The following SAMD3 variants were observed in gnomAD, a reference collection of about 807,000 sequenced individuals.
SAMD3 encodes the protein sterile alpha motif domain containing 3, also known as sterile alpha motif domain-containing protein 3.
In SAMD3, 63 loss-of-function variants were observed where a neutral mutation model predicts 58.5. The observed-to-expected ratio is 1.08, with a 90% CI of 0.88 to 1.33. SAMD3 has a LOEUF of 1.33. Ranked by LOEUF, SAMD3 falls within the 40% of genes most tolerant of loss-of-function variation. SAMD3 has a pLI of 0.00. For missense variants in SAMD3, 604 were observed against 608.4 expected, an observed-to-expected ratio of 0.99 and a Z score of 0.08; for synonymous variants, 220 against 210.3, an observed-to-expected ratio of 1.05 and a Z score of -0.40.
chr6:130,232,358 A>T (rs1446474263), intron 2 of SAMD3, among the ~76,000 whole-genome samples: 1 of 152,174 alleles, frequency 6.6e-6, no homozygotes, highest in Non-Finnish European at 1.5e-5. Context: ...GATCGAGTTC[A>T]GTTACCGTCA....
intron 2 of SAMD3, chr6:130,215,799 C>G (rs1200441873): frequency 1.3e-6 from 2 of 1,534,342 alleles, no homozygotes; most frequent in African/African-American, 1.4e-5. Context: ...TGGTTAACCC[C>G]TTGCTTCTCC....
At chr6:130,279,705 A>G (rs532663936) in intron 2 of SAMD3, among the ~76,000 whole-genome samples, 15 of 152,030 alleles carry the variant, frequency 9.9e-5, no homozygotes, top group Non-Finnish European at 1.9e-4. Context: ...GGCTGGTCTC[A>G]AACTCCTGAC....
At chr6:130,261,641 A>AGCTT (rs1562486358) in intron 2 of SAMD3, among the ~76,000 whole-genome samples, 13 of 152,162 alleles carry the variant, frequency 8.5e-5, no homozygotes, top group Non-Finnish European at 1.5e-4. Flanking sequence ...GGTCAGGCAC[A>AGCTT]AATAAGCTCA....
chr6:130,181,667 C>T (rs1223971208), intron 7 of SAMD3, among the ~76,000 whole-genome samples: 1 of 152,054 alleles, frequency 6.6e-6, no homozygotes, highest in Non-Finnish European at 1.5e-5. Context: ...TATGGATTTG[C>T]TTAGGTATAT....
chr6:130,291,014 A>G (rs189611895), intron 2 of SAMD3, among the ~76,000 whole-genome samples: 2 of 152,302 alleles, frequency 1.3e-5, no homozygotes, highest in East Asian at 3.9e-4. Context: ...TCCCATTCAC[A>G]TACTCTGTCA....
At chr6:130,345,350 G>A (rs147576840) in intron 1 of SAMD3, among the ~76,000 whole-genome samples, 15 of 152,278 alleles carry the variant, frequency 9.9e-5, no homozygotes, top group African/African-American at 3.6e-4. Context: ...ACAAGCAGCC[G>A]CCATCCACTG....
chr6:130,239,010 C>T (rs973090672), intron 2 of SAMD3, among the ~76,000 whole-genome samples: 2 of 152,174 alleles, frequency 1.3e-5, no homozygotes, highest in African/African-American at 4.8e-5. Flanking sequence ...CCGCCTGCTT[C>T]GGCCTCCCAA....
intron 8 of SAMD3, among the ~76,000 whole-genome samples, chr6:130,168,067 C>T (rs1465119647): frequency 1.3e-5 from 2 of 152,028 alleles, no homozygotes; most frequent in Non-Finnish European, 2.9e-5. Flanking sequence ...AAAAGATCTG[C>T]CCCCTCTGCT....
chr6:130,353,839 T>A (rs1170211081), intron 1 of SAMD3, among the ~76,000 whole-genome samples: 1 of 151,948 alleles, frequency 6.6e-6, no homozygotes. Context: ...TCCTTAAAAG[T>A]ATGGTATTCC....
At chr6:130,358,347 T>C (rs1777894929) in intron 1 of SAMD3, among the ~76,000 whole-genome samples, 1 of 152,236 alleles carries the variant, frequency 6.6e-6, no homozygotes, top group Non-Finnish European at 1.5e-5. Flanking sequence ...CAATTCTGAT[T>C]GCAGATCTCA....
chr6:130,295,273 C>T (rs888466009), intron 2 of SAMD3, among the ~76,000 whole-genome samples: 1 of 152,124 alleles, frequency 6.6e-6, no homozygotes, highest in Non-Finnish European at 1.5e-5. Context: ...TTTTCAGCTT[C>T]AACTGGCATA....
chr6:130,361,677 G>C (rs1279180666), intron 1 of SAMD3, among the ~76,000 whole-genome samples: 1 of 152,206 alleles, frequency 6.6e-6, no homozygotes, highest in East Asian at 1.9e-4. Context: ...ATGATGTAGT[G>C]AATTTTAAAA....
intron 5 of SAMD3, among the ~76,000 whole-genome samples, chr6:130,189,649 T>G (rs1004937662): frequency 3.9e-5 from 6 of 152,226 alleles, no homozygotes; most frequent in African/African-American, 1.4e-4. Flanking sequence ...CCATGGTTCA[T>G]GCTACTACAC....
chr6:130,156,667 C>T (rs543650389), intron 8 of SAMD3, among the ~76,000 whole-genome samples: 6 of 152,100 alleles, frequency 3.9e-5, no homozygotes, highest in South Asian at 4.2e-4. Context: ...TTTTGAGAAA[C>T]GTGGTGTATG....
intron 2 of SAMD3, among the ~76,000 whole-genome samples, chr6:130,250,087 C>G (rs906834100): frequency 1.3e-5 from 2 of 152,128 alleles, no homozygotes; most frequent in Non-Finnish European, 2.9e-5. Context: ...CCCCAGATAG[C>G]TCTGCAACAG....
chr6:130,169,864 G>A (rs1262346460), intron 8 of SAMD3, among the ~76,000 whole-genome samples: 1 of 152,096 alleles, frequency 6.6e-6, no homozygotes, highest in Non-Finnish European at 1.5e-5. Context: ...GACAACTGCT[G>A]GGGACAATTG....
chr6:130,210,210 A>C (rs1194195108), intron 4 of SAMD3, among the ~76,000 whole-genome samples: 1 of 152,238 alleles, frequency 6.6e-6, no homozygotes, highest in Non-Finnish European at 1.5e-5. Context: ...AGCAACTGCA[A>C]ATATGCCTAA....
At chr6:130,240,261 G>A (rs1773310070) in intron 2 of SAMD3, among the ~76,000 whole-genome samples, 1 of 152,110 alleles carries the variant, frequency 6.6e-6, no homozygotes, top group South Asian at 2.1e-4. Context: ...TTCCTCTGGA[G>A]TCCCAAGGCA....
intron 6 of SAMD3, 94 bp from the exon 7 acceptor site, chr6:130,184,281 T>C (rs1792713522): frequency 8.1e-7 from 1 of 1,229,018 alleles, no homozygotes; most frequent in South Asian, 1.5e-5. Context: ...TTCTTCACAT[T>C]TTTCTATATA....
Sources: allele counts gnomAD v4.1 joint callset (sites outside exome capture counted in the v4.1 genomes callset), GRCh38; gene constraint gnomAD v4.1.1; transcripts MANE v1.5; gene names NCBI Gene and HGNC (gene_info 2026-07-23, HGNC 2026-07-21).